Variants in H2BC5 observed in about 807,000 individuals in gnomAD.
The protein encoded by H2BC5 is H2B clustered histone 5.
H2BC5 carries 9 observed loss-of-function variants against 5.7 expected under a neutral mutation model. That is an observed-to-expected ratio of 1.57 (90% CI 0.95 to 2.74). The LOEUF is 2.74. Ranked by LOEUF, H2BC5 falls within the 30% of genes most tolerant of loss-of-function variation. H2BC5 has a pLI of 0.00. For missense variants in H2BC5, 175 were observed against 168.8 expected (o/e 1.04, Z -0.20); for synonymous variants, 133 against 70.9 (o/e 1.88, Z -4.40).
chr6:26,158,734 A>G, downstream of H2BC5: 1 of 996,772 alleles, frequency 1.0e-6, no homozygotes, highest in South Asian at 1.7e-5. Context: ...ACAGGGAATA[A>G]CAATAGGTAC....
intron 1 of H2BC5, chr6:26,164,405 C>A: frequency 4.7e-6 from 1 of 214,992 alleles, no homozygotes; most frequent in Admixed American, 5.6e-5. Context: ...CATGGCCATG[C>A]CCAGTCCCAG....
At chr6:26,164,054 CA>C in intron 1 of H2BC5, 2 of 457,814 alleles carry the variant, frequency 4.4e-6, no homozygotes, top group Non-Finnish European at 8.9e-6. Context: ...ATTCCAAAGC[CA>C]AAAATGTGGA....
chr6:26,161,639 G>A (rs1259741816), downstream of H2BC5, among the ~76,000 whole-genome samples: 1 of 152,128 alleles, frequency 6.6e-6, no homozygotes, highest in Non-Finnish European at 1.5e-5. Context: ...AGGCATGGTG[G>A]TGCGTGCTTG....
intron 1 of H2BC5, among the ~76,000 whole-genome samples, chr6:26,168,841 T>C (rs1248055705): frequency 6.6e-6 from 1 of 152,190 alleles, no homozygotes; most frequent in African/African-American, 2.4e-5. Flanking sequence ...TTAAAAAATA[T>C]GCATTGAATG....
chr6:26,168,974 A>T lies in H2BC5; in HGVS notation c.*10-2001A>T, dbSNP rs941911295. On this transcript the variant is annotated intron_variant, in intron 1 of 1. Coordinates refer to the H2BC5 transcript ENST00000289316. ...TAAAGAAAACAAACTGAAGCAGAAA[A>T]ATTAATACAATAAAAATTTTAAATC... 2.6e-5 allele frequency among the ~76,000 whole-genome samples: 4 copies of T among 152,228 alleles called. No individual in the cohort carries two copies. In the East Asian group the frequency reaches 7.7e-4, roughly 29 times the overall value.
chr6:26,170,132 T>C (rs971736765), intron 1 of H2BC5, among the ~76,000 whole-genome samples: 1 of 152,182 alleles, frequency 6.6e-6, no homozygotes, highest in African/African-American at 2.4e-5. Context: ...TTGATGAAAA[T>C]GTCACCACAT....
chr6:26,170,426 T>C (rs1323688422), intron 1 of H2BC5, among the ~76,000 whole-genome samples: 1 of 152,222 alleles, frequency 6.6e-6, no homozygotes, highest in Non-Finnish European at 1.5e-5. Flanking sequence ...CAAATATCTA[T>C]AACTACAGGA....
chr6:26,158,485 G>T lies in H2BC5; in HGVS notation c.316G>T (p.Glu106Ter). ...GGCCGTGCGCCTGCTGCTTCCGGGG[G>T]AGCTGGCCAAGCACGCCGTGTCGGA... ...QTAVRLLLPG[E>*]LAKHAVSEGT... is the part of the protein sequence containing the mutation. The change falls in exon 1 of 1, where the codon GAG becomes TAG. Residue 106 changes from glutamate (E) to a stop codon, truncating the protein, a stop_gained. Coordinates refer to ENST00000377777, the MANE Select transcript of H2BC5 (RefSeq NM_021063.4). LOFTEE classifies it high-confidence loss of function. The T allele has an allele frequency of 6.2e-7, 1 of 1,614,220 alleles. No individual in the cohort carries two copies. The highest frequency in any genetic ancestry group is 8.5e-7 in the Non-Finnish European group (1 of 1,180,044).
chr6:26,167,996 AAAGCAACGTCAAATACTTG>A (rs927804140), intron 1 of H2BC5, among the ~76,000 whole-genome samples: 1 of 152,088 alleles, frequency 6.6e-6, no homozygotes, highest in Non-Finnish European at 1.5e-5. Context: ...GGACAAAAAA[AAAGCAACGTCAAATACTTG>A]AATGAGCTTG....
At chr6:26,162,478 G>T (rs538586310), downstream of H2BC5, among the ~76,000 whole-genome samples, 1 of 152,262 alleles carries the variant, frequency 6.6e-6, no homozygotes, top group Admixed American at 6.5e-5. Context: ...AATTGCTTTT[G>T]TGTGTATGTG....
intron 1 of H2BC5, among the ~76,000 whole-genome samples, chr6:26,167,050 T>TA (rs1764444423): frequency 2.3e-4 from 1 of 4,258 alleles, no homozygotes; most frequent in Non-Finnish European, 6.1e-4. Context: ...TTGTTTTCTC[T>TA]TTTTTTTTTT....
chr6:26,164,768 C>T (rs764749436), intron 1 of H2BC5, among the ~76,000 whole-genome samples: 5 of 152,012 alleles, frequency 3.3e-5, no homozygotes, highest in Non-Finnish European at 7.4e-5. Flanking sequence ...CCCCATTGCC[C>T]AGCACCATCC....
chr6:26,158,132 C>A lies in H2BC5; in HGVS notation c.-38C>A, dbSNP rs1420272988. Reference sequence around the variant, plus strand: ...GCCTCGGCGGGAGTGATTATTTTCTCAGGTGTTTGCAACAGTGTTCTAACT... The same window carrying A: ...GCCTCGGCGGGAGTGATTATTTTCTAAGGTGTTTGCAACAGTGTTCTAACT... On this transcript the variant is annotated 5_prime_UTR_variant, in exon 1 of 1. Transcript: ENST00000377777. The A allele has an allele frequency of 1.3e-6, 2 of 1,582,466 alleles. No individual in the cohort carries two copies. Among genetic ancestry groups the A allele is most frequent in the Admixed American group, 1.9e-5 (1 of 53,014 alleles).
chr6:26,165,096 A>C (rs1165726372), intron 1 of H2BC5, among the ~76,000 whole-genome samples: 2 of 152,222 alleles, frequency 1.3e-5, no homozygotes, highest in Non-Finnish European at 2.9e-5. Context: ...ACAATTAAAA[A>C]ACAAGAAATC....
downstream of H2BC5, chr6:26,158,755 G>A (rs1487911651): frequency 2.5e-6 from 2 of 815,170 alleles, no homozygotes; most frequent in East Asian, 5.4e-5. Flanking sequence ...TAGAAATTGA[G>A]TGCTATGGGT....
chr6:26,160,131 T>A (rs1764328782), downstream of H2BC5, among the ~76,000 whole-genome samples: 2 of 152,144 alleles, frequency 1.3e-5, no homozygotes, highest in African/African-American at 4.8e-5. Flanking sequence ...CTGCTAAGGC[T>A]TGGACTACAA....
chr6:26,158,588 G>A lies in H2BC5; in HGVS notation c.*38G>A, dbSNP rs374216345. 1 of 1,601,724 alleles carries A rather than the reference G, an allele frequency of 6.2e-7. No individual in the cohort carries two copies. Among genetic ancestry groups the A allele is most frequent in the African/African-American group, 1.3e-5 (1 of 74,188 alleles). On this transcript the variant is annotated 3_prime_UTR_variant, in exon 1 of 1. Coordinates refer to ENST00000377777, the MANE Select transcript of H2BC5 (RefSeq NM_021063.4). ...AGCATCTTTACACCTAATCCCAAAG[G>A]CTCTTTTAAGAGCCACGCATGTTTT...
chr6:26,166,166 A>C (rs1764420005), intron 1 of H2BC5, among the ~76,000 whole-genome samples: 1 of 152,198 alleles, frequency 6.6e-6, no homozygotes, highest in African/African-American at 2.4e-5. Context: ...CAAAGGCTGG[A>C]AGTAGGAGAC....
downstream of H2BC5, chr6:26,160,722 T>A (rs915180916): frequency 1.1e-4 from 17 of 148,292 alleles, no homozygotes; most frequent in African/African-American, 4.2e-4. Flanking sequence ...CACAAAAAAT[T>A]AGCCAGTGTG....
Sources: gnomAD v4.1 joint callset for allele counts (sites outside exome capture counted in the v4.1 genomes callset) on GRCh38, gnomAD v4.1.1 for gene constraint, MANE v1.5 for transcripts, NCBI Gene and HGNC (gene_info 2026-07-23, HGNC 2026-07-21) for gene names.